ANKS1B: variants seen among roughly 807,000 people sequenced by gnomAD.
ANKS1B encodes the protein ankyrin repeat and sterile alpha motif domain-containing protein 1B.
ANKS1B carries 36 observed loss-of-function variants against 148.3 expected under a neutral mutation model. The ratio of observed to expected loss-of-function variants is 0.24; its 90% confidence interval spans 0.19 to 0.32. ANKS1B has a LOEUF of 0.32. Ranked by LOEUF, ANKS1B falls within the 10% of genes least tolerant of loss-of-function variation. The pLI is 1.00. For missense variants in ANKS1B, 1,157 were observed against 1,542.6 expected, an observed-to-expected ratio of 0.75 and a Z score of 4.19; for synonymous variants, 542 against 560.8, an observed-to-expected ratio of 0.97 and a Z score of 0.47.
intron 9 of ANKS1B, chr12:99,649,493 C>A: frequency 2.1e-6 from 2 of 951,116 alleles, no homozygotes; most frequent in Admixed American, 1.9e-5. Context: ...AGGGTAGCAA[C>A]AGCAGTAGTG....
At chr12:99,644,216 C>G (rs982906846) in intron 9 of ANKS1B, among the ~76,000 whole-genome samples, 2 of 152,102 alleles carry the variant, frequency 1.3e-5, no homozygotes, top group African/African-American at 4.8e-5. Context: ...TATTATATAG[C>G]AAGTATCTCC....
At chr12:99,074,700 A>C (rs969011930) in intron 16 of ANKS1B, among the ~76,000 whole-genome samples, 2 of 152,218 alleles carry the variant, frequency 1.3e-5, no homozygotes, top group Admixed American at 1.3e-4. Flanking sequence ...CATGAAGGAC[A>C]TGCCTTATCC....
At chr12:98,982,201 G>T (rs1568177352) in intron 17 of ANKS1B, among the ~76,000 whole-genome samples, 2 of 152,090 alleles carry the variant, frequency 1.3e-5, no homozygotes, top group Non-Finnish European at 2.9e-5. Flanking sequence ...AAACTTAAAA[G>T]TAGTGCTTCT....
intron 12 of ANKS1B, among the ~76,000 whole-genome samples, chr12:99,346,863 C>G (rs1400285674): frequency 1.3e-5 from 2 of 151,930 alleles, no homozygotes; most frequent in Non-Finnish European, 2.9e-5. Context: ...TACTGCCAGT[C>G]AAAGGTTTGC....
At chr12:99,721,756 T>C (rs1290511159) in intron 8 of ANKS1B, among the ~76,000 whole-genome samples, 1 of 152,230 alleles carries the variant, frequency 6.6e-6, no homozygotes, top group Non-Finnish European at 1.5e-5. Flanking sequence ...GAAGTATGTA[T>C]GTCAAAAGCT....
Position 98,800,508 on chromosome 12 carries a change from C to T in ANKS1B, c.3270+489G>A, listed in dbSNP as rs146386981. ...ATTTCTCAGCTAATTATAATTAATT[C>T]CCCTCTTCTAAAAAACTAAACAACT... On this transcript the variant is annotated intron_variant, in intron 21 of 26. Coordinates refer to ENST00000683438, the MANE Select transcript of ANKS1B (RefSeq NM_001352186.2). Among the ~76,000 whole-genome samples the T allele has an allele frequency of 2.7e-3, 403 of 151,948 alleles. 9 individuals are homozygous for T. The highest frequency in any genetic ancestry group is 0.024 in the Admixed American group (370 of 15,260).
chr12:98,978,204 T>A lies in ANKS1B; in HGVS notation c.2778+74953A>T, dbSNP rs1313376028. Among the ~76,000 whole-genome samples, 3 of 152,180 alleles carry A rather than the reference T, an allele frequency of 2.0e-5. No individual in the cohort carries two copies. The East Asian group carries it at 5.8e-4, about 29-fold the overall frequency. Reference sequence around the variant, plus strand: ...TTTATGTCTATTACCTTGCTACTTGTTTTCTATTTATCCCATTTATTCTTG... The same window carrying A: ...TTTATGTCTATTACCTTGCTACTTGATTTCTATTTATCCCATTTATTCTTG... On this transcript the variant is annotated intron_variant, in intron 17 of 26. Transcript: ENST00000683438.
chr12:99,024,817 A>T (rs1315417337), intron 17 of ANKS1B, among the ~76,000 whole-genome samples: 1 of 152,182 alleles, frequency 6.6e-6, no homozygotes, highest in Non-Finnish European at 1.5e-5. Context: ...GTACACCCCC[A>T]GGGAAAAATA....
chr12:99,355,563 G>C (rs1415339092), intron 12 of ANKS1B, among the ~76,000 whole-genome samples: 2 of 152,100 alleles, frequency 1.3e-5, no homozygotes, highest in Non-Finnish European at 2.9e-5. Flanking sequence ...CTGTTTGCTT[G>C]GCTTTCTGAT....
chr12:99,641,199 C>T lies in ANKS1B; in HGVS notation c.1272+13868G>A, dbSNP rs571200696. Reference sequence around the variant, plus strand: ...AAACAAAACAATTTTTAAAAATGTGCGTTTGTATTGTAAATAATTTATAGA... The same window carrying T: ...AAACAAAACAATTTTTAAAAATGTGTGTTTGTATTGTAAATAATTTATAGA... On this transcript the variant is annotated intron_variant, in intron 9 of 26. Coordinates refer to ENST00000683438, the MANE Select transcript of ANKS1B (RefSeq NM_001352186.2). Among the ~76,000 whole-genome samples, 9 of 152,242 alleles carry T rather than the reference C, an allele frequency of 5.9e-5. No homozygotes were observed. The South Asian group carries it at 1.2e-3, about 21-fold the overall frequency.
chr12:99,951,187 G>A (rs2095213833), intron 1 of ANKS1B, among the ~76,000 whole-genome samples: 1 of 152,112 alleles, frequency 6.6e-6, no homozygotes, highest in Non-Finnish European at 1.5e-5. Flanking sequence ...AAAGCTTTTA[G>A]GACCTTATTT....
Position 99,657,897 on chromosome 12 carries a change from CAAAAAAAA to C in ANKS1B, c.1129-2695_1129-2688del, listed in dbSNP as rs58151526. Among the ~76,000 whole-genome samples, 23 of 75,426 alleles carry C rather than the reference CAAAAAAAA, an allele frequency of 3.0e-4. 1 individual carries two copies. The Admixed American group carries it at 3.3e-3, about 11-fold the overall frequency. The allele number at this position is 75,426 out of a possible 152,430, so 49.5% of individuals were successfully genotyped here. On this transcript the variant is annotated intron_variant, in intron 8 of 26. Coordinates refer to ENST00000683438, the MANE Select transcript of ANKS1B (RefSeq NM_001352186.2). The stretch of plus-strand genomic sequence containing the variant: ...CTTCCTCTATCTCTTTCTCCTCCCT[CAAAAAAAA>C]AAAAAAAAAAAAAAAAAGCTTATCT...
At chr12:99,340,914 G>A (rs1287697081) in intron 12 of ANKS1B, among the ~76,000 whole-genome samples, 1 of 152,056 alleles carries the variant, frequency 6.6e-6, no homozygotes, top group Admixed American at 6.6e-5. Context: ...ATGTAATTTA[G>A]CAGTGTATTC....
intron 8 of ANKS1B, among the ~76,000 whole-genome samples, chr12:99,687,327 T>G (rs1443626345): frequency 6.6e-6 from 1 of 150,576 alleles, no homozygotes; most frequent in Non-Finnish European, 1.5e-5. Flanking sequence ...CTCCTTTAAG[T>G]TTATTTTGCA....
downstream of ANKS1B, among the ~76,000 whole-genome samples, chr12:98,742,653 T>C (rs1306756252): frequency 6.6e-6 from 1 of 152,256 alleles, no homozygotes; most frequent in Non-Finnish European, 1.5e-5. Flanking sequence ...AAGTTCCAGC[T>C]CCTAGCTACT....
intron 15 of ANKS1B, among the ~76,000 whole-genome samples, chr12:99,089,247 C>T (rs1477314834): frequency 6.6e-6 from 1 of 151,708 alleles, no homozygotes; most frequent in Non-Finnish European, 1.5e-5. Context: ...GTTTAGTCAT[C>T]TACTACACTG....
intron 16 of ANKS1B, 48 bp from the exon 17 acceptor site, chr12:99,053,357 C>A: frequency 2.8e-6 from 4 of 1,415,194 alleles, no homozygotes; most frequent in Admixed American, 2.9e-5. Flanking sequence ...ACTTTGTGTC[C>A]CAACAACAGA....
intron 1 of ANKS1B, among the ~76,000 whole-genome samples, chr12:99,894,212 A>T (rs2153750373): frequency 6.8e-6 from 1 of 146,136 alleles, no homozygotes; most frequent in East Asian, 2.1e-4. Flanking sequence ...TGAGCCCTGG[A>T]GTTTGAGACC....
intron 2 of ANKS1B, among the ~76,000 whole-genome samples, chr12:99,821,182 T>C (rs1445353835): frequency 6.6e-6 from 1 of 152,022 alleles, no homozygotes; most frequent in Non-Finnish European, 1.5e-5. Context: ...TTCAAGCTAT[T>C]GAACTGAGGC....
Sources: gnomAD v4.1 joint callset for allele counts (sites outside exome capture counted in the v4.1 genomes callset) on GRCh38, gnomAD v4.1.1 for gene constraint, MANE v1.5 for transcripts, NCBI Gene and HGNC (gene_info 2026-07-23, HGNC 2026-07-21) for gene names.